The following PDE11A variants were observed in gnomAD, a reference collection of about 807,000 sequenced individuals.
PDE11A encodes the protein phosphodiesterase 11A.
A neutral mutation model predicts 100.5 loss-of-function variants in PDE11A; 100 were observed. That is an observed-to-expected ratio of 1.00 (90% confidence interval 0.85 to 1.18). The LOEUF (loss-of-function observed/expected upper bound fraction) is 1.18. Ranked by LOEUF, PDE11A falls within the 50% of genes most tolerant of loss-of-function variation. The pLI is 0.00. For synonymous variants in PDE11A, 381 were observed against 420.8 expected (o/e 0.91, Z 1.16); for missense variants, 1,141 against 1,152.6 (o/e 0.99, Z 0.15).
chr2:177,862,803 T>G (rs1213274907), intron 5 of PDE11A, among the ~76,000 whole-genome samples: 1 of 151,872 alleles, frequency 6.6e-6, no homozygotes, highest in African/African-American at 2.4e-5. Flanking sequence ...AAAATTCCAC[T>G]GGCATTCTTA....
At chr2:177,998,718 G>T in intron 2 of PDE11A, 1 of 1,010,296 alleles carries the variant, frequency 9.9e-7, no homozygotes, top group Non-Finnish European at 1.6e-6. Context: ...CACTCGCTCC[G>T]TGGTATCGGC....
chr2:178,073,698 G>C (rs1269824575), upstream of PDE11A, among the ~76,000 whole-genome samples: 1 of 152,184 alleles, frequency 6.6e-6, no homozygotes, highest in Admixed American at 6.5e-5. Flanking sequence ...ACGATGTATG[G>C]AAACTTTACT....
chr2:177,931,911 C>CAAAAAA (rs71410773), intron 2 of PDE11A, among the ~76,000 whole-genome samples: 95 of 79,904 alleles, frequency 1.2e-3, no homozygotes, highest in Non-Finnish European at 1.8e-3. Context: ...GCTAGATTAA[C>CAAAAAA]AAAAAAAAAA....
chr2:177,693,906 A>G (rs2081075286), intron 15 of PDE11A, among the ~76,000 whole-genome samples: 1 of 152,236 alleles, frequency 6.6e-6, no homozygotes, highest in African/African-American at 2.4e-5. Context: ...TTAAATAAAA[A>G]CATCGGGGCG....
rs10497486 is a variant in PDE11A, at chr2:177,847,161, G to C, written c.1368-6778C>G. Among the ~76,000 whole-genome samples, 1,099 of 152,132 alleles carry C rather than the reference G, an allele frequency of 7.2e-3. 12 individuals are homozygous for C. Among genetic ancestry groups the C allele is most frequent in the African/African-American group, 0.025 (1,023 of 41,494 alleles). ...AACCCCCCTTGTTAATAGTCCTTTG[G>C]AGTATGAAAGCCAGTCCAGTCCACA... On this transcript the variant is annotated intron_variant, in intron 5 of 19. Transcript: ENST00000286063.
intron 2 of PDE11A, among the ~76,000 whole-genome samples, chr2:178,089,523 T>C (rs190066084): frequency 2.3e-4 from 35 of 152,320 alleles, no homozygotes; most frequent in African/African-American, 8.4e-4. Flanking sequence ...GAGGATTAGA[T>C]ATCAAAGCTG....
chr2:177,803,352 G>C (rs1423239518), intron 9 of PDE11A, among the ~76,000 whole-genome samples: 1 of 151,754 alleles, frequency 6.6e-6, no homozygotes, highest in Non-Finnish European at 1.5e-5. Flanking sequence ...GGAGCAGATG[G>C]ATTCACAGCT....
intron 2 of PDE11A, among the ~76,000 whole-genome samples, chr2:177,929,519 G>A (rs1268479630): frequency 6.6e-6 from 1 of 152,156 alleles, no homozygotes; most frequent in Non-Finnish European, 1.5e-5. Context: ...GGATGAACTT[G>A]AAGCTTCATC....
intron 9 of PDE11A, among the ~76,000 whole-genome samples, chr2:177,785,077 A>G (rs56760518): frequency 6.6e-6 from 1 of 152,108 alleles, no homozygotes; most frequent in South Asian, 2.1e-4. Context: ...GTCTTTGAGC[A>G]TAGGGGCTTT....
At position 177,829,301 on chromosome 2, in the gene PDE11A, A is replaced by G. The variant is rs570546637; in HGVS notation, c.1501-9006T>C. 2.0e-4 allele frequency among the ~76,000 whole-genome samples: 30 copies of G among 152,290 alleles called. 1 individual carries two copies. In the South Asian group the frequency reaches 5.4e-3, roughly 27 times the overall value. Reference sequence around the variant, plus strand: ...TATATACCCACATATATTATTCTATACATACTTCTATACATTATTTTAAAC... The same window carrying G: ...TATATACCCACATATATTATTCTATGCATACTTCTATACATTATTTTAAAC... On this transcript the variant is annotated intron_variant, in intron 6 of 19. Transcript: ENST00000286063.
At chr2:177,644,968 C>A (rs147636429) in intron 19 of PDE11A, among the ~76,000 whole-genome samples, 109 of 152,340 alleles carry the variant, frequency 7.2e-4, no homozygotes, top group African/African-American at 1.7e-3. Flanking sequence ...TGTGAGGCTT[C>A]CCCAGCAACG....
At chr2:177,957,656 C>T (rs1224629962) in intron 2 of PDE11A, among the ~76,000 whole-genome samples, 1 of 152,188 alleles carries the variant, frequency 6.6e-6, no homozygotes, top group Admixed American at 6.5e-5. Context: ...TCTTGTCACA[C>T]TCAAAGGTGC....
chr2:178,072,607 C>G lies in PDE11A; in HGVS notation c.-170G>C, dbSNP rs1203836650. 1 of 1,505,970 alleles carries G rather than the reference C, an allele frequency of 6.6e-7. No individual in the cohort carries two copies. Among genetic ancestry groups the G allele is most frequent in the Non-Finnish European group, 8.8e-7 (1 of 1,132,406 alleles). The allele number at this position is 1,505,970 out of a possible 1,614,324, so 93.3% of individuals were successfully genotyped here. A position where few individuals can be genotyped will look rare whatever the true frequency, so the allele number is the denominator to read the frequency against. On this transcript the variant is annotated 5_prime_UTR_variant, in exon 1 of 20. Transcript: ENST00000286063. ...AATCTGGGAGATGCCCCTTCCTTCT[C>G]TGGCTCAGAGTGGCTGGCGCCGACC...
At chr2:177,805,773 G>A (rs917794756) in intron 9 of PDE11A, among the ~76,000 whole-genome samples, 2 of 152,124 alleles carry the variant, frequency 1.3e-5, no homozygotes, top group Admixed American at 6.6e-5. Flanking sequence ...GAAAGGATTG[G>A]CCAGTGGTTT....
At position 178,071,939 on chromosome 2, in the gene PDE11A, TG is replaced by T. The variant is rs750496546; in HGVS notation, c.498del (p.Thr167ProfsTer14). 6.2e-7 allele frequency: 1 copy of T among 1,613,892 alleles called. No individual in the cohort carries two copies. The highest frequency in any genetic ancestry group is 1.7e-5 in the Admixed American group (1 of 60,008). On this transcript the variant is annotated frameshift_variant, in exon 1 of 20. Transcript: ENST00000286063. LOFTEE classifies it high-confidence loss of function. ...ALLRKASSLP[P>X]TTAHILSALL... ...AGCGCACTGAGAATATGGGCTGTGG[TG>T]GGGGGCAGGGAGCTTGCCTTCCGGA...
intron 7 of PDE11A, among the ~76,000 whole-genome samples, chr2:177,819,818 A>T (rs1366391836): frequency 1.3e-5 from 2 of 150,316 alleles, no homozygotes; most frequent in Non-Finnish European, 3.0e-5. Flanking sequence ...TGACCTTGCT[A>T]TTAACTTTGT....
intron 2 of PDE11A, among the ~76,000 whole-genome samples, chr2:177,923,844 C>G (rs2085089165): frequency 1.3e-5 from 2 of 152,138 alleles, no homozygotes; most frequent in Admixed American, 1.3e-4. Flanking sequence ...TTCCGGAATT[C>G]TTAAGAATGT....
chr2:177,973,128 G>A (rs568890335), intron 2 of PDE11A, among the ~76,000 whole-genome samples: 140 of 151,542 alleles, frequency 9.2e-4, no homozygotes, highest in Non-Finnish European at 5.6e-4. Flanking sequence ...AGCTCCCAGC[G>A]TGAGCGACGC....
intron 1 of PDE11A, among the ~76,000 whole-genome samples, chr2:178,023,577 T>C (rs773691318): frequency 2.0e-5 from 3 of 152,198 alleles, no homozygotes; most frequent in African/African-American, 7.2e-5. Flanking sequence ...TCTTGACCAA[T>C]GTTTAATCTA....
Sources: gnomAD v4.1 joint callset for allele counts (sites outside exome capture counted in the v4.1 genomes callset) on GRCh38, gnomAD v4.1.1 for gene constraint, MANE v1.5 for transcripts, NCBI Gene and HGNC (gene_info 2026-07-23, HGNC 2026-07-21) for gene names.